Variants in REXO1 observed in about 807,000 individuals in gnomAD.
The protein encoded by REXO1 is RNA exonuclease 1 homolog, also known as REX1, RNA exonuclease 1 homolog.
REXO1 carries 42 observed loss-of-function variants against 102.6 expected under a neutral mutation model. That is an observed-to-expected ratio of 0.41 (90% CI 0.32 to 0.53). REXO1 has a LOEUF of 0.53. REXO1 is among the 20% of genes least tolerant of loss of function. REXO1 has a pLI of 0.27. For synonymous variants in REXO1, 908 were observed against 779.1 expected (o/e 1.17, Z -2.76); for missense variants, 1,819 against 1,732.5 (o/e 1.05, Z -0.89).
In REXO1 at chr19:1,826,566, C is replaced by T. The variant is rs1182305231; in HGVS notation, c.1911+312G>A. On this transcript the variant is annotated intron_variant, in intron 2 of 15. Transcript: ENST00000170168. The surrounding 1 kb of genome is among the most constrained non-coding windows in gnomAD (Gnocchi z 4.3). The stretch of plus-strand genomic sequence containing the variant: ...AGAAGGGTGTGCCGGAGGTGGATTC[C>T]CCTGAGGTGGGTGGGTGGGCCAATA... Among the ~76,000 whole-genome samples, 1 of 151,518 alleles carries T rather than the reference C, an allele frequency of 6.6e-6. No individual in the cohort carries two copies. The highest frequency in any genetic ancestry group is 2.0e-4 in the East Asian group (1 of 5,098).
Position 1,823,604 on chromosome 19 carries a change from ATCC to A in REXO1, c.2195_2197del (p.Arg732del), listed in dbSNP as rs748979619. On this transcript the variant is annotated inframe_deletion, in exon 4 of 16. Transcript: ENST00000170168. ...CAGGCGGGGGTTGGGGATGTGGGCG[ATCC>A]TCCTCTTCTCGCCAGGGGCGGAAAT... 1.4e-5 allele frequency: 19 copies of A among 1,323,430 alleles called. No homozygotes were observed. Among genetic ancestry groups the A allele is most frequent in the Admixed American group, 3.4e-5 (1 of 29,068 alleles). 82.0% of individuals were successfully genotyped at this position (1,323,430 alleles called of 1,614,324 possible).
chr19:1,817,488 CAAG>C (rs1010432063), intron 11 of REXO1, 159 bp from the exon 12 acceptor site: 2 of 1,472,168 alleles, frequency 1.4e-6, no homozygotes, highest in African/African-American at 2.8e-5. Flanking sequence ...GGGGGCTTGC[CAAG>C]AAGACACAGG....
rs779372013 is a variant in REXO1, at chr19:1,827,591, T to C, written c.1198A>G (p.Lys400Glu). The change falls in exon 2 of 16, where the codon AAG becomes GAG. Residue 400 changes from lysine (K) to glutamate (E), a missense_variant. Lys to Glu is a moderately conservative substitution (Grantham distance 56, BLOSUM62 1). Coordinates refer to ENST00000170168, the MANE Select transcript of REXO1 (RefSeq NM_020695.4). ...KDGAQGKDKT[K>E]DKGRGRPVEK... is the part of the protein sequence containing the mutation. Reference sequence around the variant, plus strand: ...ACAGGCCGCCCTCGGCCCTTGTCCTTGGTCTTGTCCTTCCCCTGGGCCCCG... The same window carrying C: ...ACAGGCCGCCCTCGGCCCTTGTCCTCGGTCTTGTCCTTCCCCTGGGCCCCG... 1.3e-6 allele frequency: 2 copies of C among 1,591,724 alleles called. No individual in the cohort carries two copies. The highest frequency in any genetic ancestry group is 1.1e-5 in the South Asian group (1 of 88,414).
At chr19:1,818,996 C>T in intron 8 of REXO1, 22 bp downstream of exon 8, 1 of 1,590,680 alleles carries the variant, frequency 6.3e-7, no homozygotes. Flanking sequence ...CACCGTGTGG[C>T]AGAGCAGGGG....
chr19:1,827,830 T>G lies in REXO1; in HGVS notation c.959A>C (p.Gln320Pro), dbSNP rs201378736. ...RADPEIKATG[Q>P]PPSKEGLEAE... ...CTCCAGGCCCTCTTTGGAGGGTGGCTGCCCGGTGGCCTTGATCTCAGGGTC... is the reference window on the plus strand; with the variant it reads ...CTCCAGGCCCTCTTTGGAGGGTGGCGGCCCGGTGGCCTTGATCTCAGGGTC... Residue 320 changes from glutamine to proline, a missense_variant, in exon 2 of 16, where the codon CAG becomes CCG. By Grantham distance (76) the Gln-to-Pro change is moderately conservative (BLOSUM62 -1). Coordinates refer to ENST00000170168, the MANE Select transcript of REXO1 (RefSeq NM_020695.4). 5.0e-5 allele frequency: 81 copies of G among 1,611,156 alleles called. No homozygotes were observed. The highest frequency in any genetic ancestry group is 6.9e-5 in the Non-Finnish European group (81 of 1,179,414).
chr19:1,837,616 G>C (rs1441413750), intron 1 of REXO1, among the ~76,000 whole-genome samples: 1 of 152,186 alleles, frequency 6.6e-6, no homozygotes, highest in African/African-American at 2.4e-5. Flanking sequence ...CTCCACCCAG[G>C]TCTCAGAGCT....
intron 8 of REXO1, 75 bp from the exon 9 acceptor site, chr19:1,818,918 T>C (rs2145236759): frequency 1.3e-6 from 2 of 1,584,144 alleles, no homozygotes; most frequent in East Asian, 4.5e-5. Context: ...GAAAGGCGGC[T>C]GGGCCGGCAG....
At chr19:1,824,066 T>C (rs2069633458) in intron 3 of REXO1, 2 of 359,532 alleles carry the variant, frequency 5.6e-6, no homozygotes, top group South Asian at 3.0e-4. Context: ...CCGATTACAC[T>C]GGCACTCCAA....
At chr19:1,818,936 C>G in intron 8 of REXO1, 82 bp downstream of exon 8, 2 of 1,570,056 alleles carry the variant, frequency 1.3e-6, no homozygotes, top group Non-Finnish European at 1.7e-6. Context: ...CAGGGGCCCA[C>G]GAAGCACCGT....
Position 1,825,953 on chromosome 19 carries a change from A to G in REXO1, c.1912-10T>C, listed in dbSNP as rs1320293079. On this transcript the variant is annotated splice_polypyrimidine_tract_variant and intron_variant, in intron 2 of 15. Coordinates refer to ENST00000170168, the MANE Select transcript of REXO1 (RefSeq NM_020695.4). The stretch of plus-strand genomic sequence containing the variant: ...TCTCTTCCTTGGGGGGCTAAGACAC[A>G]TGTCCGTCCGTCAGCACAGGTCTGC... The G allele has an allele frequency of 6.3e-7, 1 of 1,595,624 alleles. No homozygotes were observed. Among genetic ancestry groups the G allele is most frequent in the South Asian group, 1.1e-5 (1 of 90,726 alleles).
In REXO1 at chr19:1,818,692, G is replaced by A. The variant is rs552274365; in HGVS notation, c.2902+14C>T. The stretch of plus-strand genomic sequence containing the variant: ...GCACCTGCCCACCTAGGCCGTCGCA[G>A]GCCAGCGACTCACAGTCCTTGGGCC... On this transcript the variant is annotated intron_variant, in intron 9 of 15. Transcript: ENST00000170168. 16 of 1,610,476 alleles carry A rather than the reference G, an allele frequency of 9.9e-6. No individual in the cohort carries two copies. In the East Asian group the frequency reaches 1.8e-4, roughly 18 times the overall value.
chr19:1,816,578 A>G lies in REXO1; in HGVS notation c.3318-9T>C, dbSNP rs1233202640. Reference sequence around the variant, plus strand: ...CCGTCACCCCCGAAAACCTGGGGGAACGGGCAGGAGGGGCACCAGGGCTCA... The same window carrying G: ...CCGTCACCCCCGAAAACCTGGGGGAGCGGGCAGGAGGGGCACCAGGGCTCA... On this transcript the variant is annotated splice_polypyrimidine_tract_variant and intron_variant, in intron 13 of 15. Transcript: ENST00000170168. The G allele has an allele frequency of 5.8e-6, 8 of 1,385,744 alleles. No individual in the cohort carries two copies. The highest frequency in any genetic ancestry group is 7.7e-6 in the Non-Finnish European group (8 of 1,038,594). The allele number at this position is 1,385,744 out of a possible 1,614,324, so 85.8% of individuals were successfully genotyped here.
In REXO1 at chr19:1,816,535, T is replaced by C; in HGVS notation, c.3352A>G (p.Thr1118Ala). The C allele has an allele frequency of 6.2e-7, 1 of 1,606,656 alleles. No individual in the cohort carries two copies. Among genetic ancestry groups the C allele is most frequent in the South Asian group, 1.1e-5 (1 of 90,900 alleles). The change falls in exon 14 of 16, where the codon ACA becomes GCA. Residue 1118 changes from threonine to alanine, a missense_variant. By Grantham distance (58) the Thr-to-Ala change is moderately conservative. Coordinates refer to ENST00000170168, the MANE Select transcript of REXO1 (RefSeq NM_020695.4). The part of the protein sequence containing the change: ...SGVTEADLAD[T>A]SVTLRDVQAV... ...TGGACGTCACGCAGCGTGACACTTG[T>C]GTCGGCAAGGTCAGCCTCCGTCACC...
intron 1 of REXO1, among the ~76,000 whole-genome samples, chr19:1,847,395 G>A (rs1231256393): frequency 6.6e-6 from 1 of 152,334 alleles, no homozygotes; most frequent in South Asian, 2.1e-4. Context: ...GACGAAGGAA[G>A]TCAGGGGCTG....
chr19:1,824,218 G>A (rs1361569331), intron 3 of REXO1: 1 of 159,326 alleles, frequency 6.3e-6, no homozygotes, highest in Non-Finnish European at 1.4e-5. Context: ...GTCTGCACAG[G>A]GGCCTGACAA....
rs922919362 is a variant in REXO1, at chr19:1,831,863, A to G, written c.158-3232T>C. ...TCCATCTCAAAAAAAAAAAAAAAAAAAAAAGAAAGAAAAAGAAAAAGAAAA... is the reference window on the plus strand; with the variant it reads ...TCCATCTCAAAAAAAAAAAAAAAAAGAAAAGAAAGAAAAAGAAAAAGAAAA... On this transcript the variant is annotated intron_variant, in intron 1 of 15. Transcript: ENST00000170168. Among the ~76,000 whole-genome samples, 175 of 56,384 alleles carry G rather than the reference A, an allele frequency of 3.1e-3. 1 individual carries two copies. Among genetic ancestry groups the G allele is most frequent in the African/African-American group, 5.9e-3 (158 of 26,856 alleles). 37.0% of individuals were successfully genotyped at this position (56,384 alleles called of 152,430 possible).
At chr19:1,845,651 G>A (rs2011502611) in intron 1 of REXO1, among the ~76,000 whole-genome samples, 1 of 152,150 alleles carries the variant, frequency 6.6e-6, no homozygotes, top group South Asian at 2.1e-4. Context: ...GTGATAAAGT[G>A]AGACCCTGTC....
chr19:1,838,095 GGAT>G (rs2070093704), intron 1 of REXO1, among the ~76,000 whole-genome samples: 1 of 151,936 alleles, frequency 6.6e-6, no homozygotes, highest in Non-Finnish European at 1.5e-5. Flanking sequence ...CGAGGCAGGT[GGAT>G]GATTTGAGGT....
chr19:1,836,895 C>A (rs527585935), intron 1 of REXO1, among the ~76,000 whole-genome samples: 21 of 152,298 alleles, frequency 1.4e-4, no homozygotes, highest in African/African-American at 5.1e-4. Context: ...TGGCCCAGAA[C>A]AGGCCAGGCA....
Sources: gnomAD v4.1 joint callset for allele counts (sites outside exome capture counted in the v4.1 genomes callset) on GRCh38, gnomAD v4.1.1 for gene constraint, Gnocchi (gnomAD v3.1) non-coding constraint, MANE v1.5 for transcripts, NCBI Gene and HGNC (gene_info 2026-07-23, HGNC 2026-07-21) for gene names.